ADAM32: variants seen among roughly 807,000 people sequenced by gnomAD.
ADAM32 encodes the protein disintegrin and metalloproteinase domain-containing protein 32.
Under a neutral mutation model 114.9 loss-of-function variants are expected in ADAM32, and 89 were observed. That is an observed-to-expected ratio of 0.77 (90% CI 0.65 to 0.92). ADAM32 has a LOEUF of 0.92. ADAM32 is among the 40% of genes least tolerant of loss of function. The pLI is 0.00. For synonymous variants in ADAM32, 285 were observed against 307.5 expected (o/e 0.93, Z 0.77); for missense variants, 870 against 932.8 (o/e 0.93, Z 0.88).
intron 11 of ADAM32, among the ~76,000 whole-genome samples, chr8:39,208,330 T>C (rs1807983753): frequency 6.6e-6 from 1 of 152,178 alleles, no homozygotes; most frequent in Non-Finnish European, 1.5e-5. Flanking sequence ...TCCCCAATTT[T>C]GACTTTTTGA....
chr8:39,244,939 G>A (rs2129450010), intron 16 of ADAM32, among the ~76,000 whole-genome samples: 1 of 152,294 alleles, frequency 6.6e-6, no homozygotes, highest in East Asian at 1.9e-4. Context: ...TCTAGATATT[G>A]TCTTAGGTAA....
chr8:39,273,916 G>T (rs1007353315), intron 20 of ADAM32, among the ~76,000 whole-genome samples: 6 of 152,018 alleles, frequency 3.9e-5, no homozygotes, highest in Non-Finnish European at 7.4e-5. Flanking sequence ...ACAAAATACT[G>T]TCTTTTTTTA....
intron 20 of ADAM32, among the ~76,000 whole-genome samples, chr8:39,272,439 T>C (rs1169576335): frequency 1.3e-5 from 2 of 152,184 alleles, no homozygotes; most frequent in African/African-American, 2.4e-5. Flanking sequence ...TAAAAAAACC[T>C]AGATTGTATA....
At position 39,222,866 on chromosome 8, in the gene ADAM32, A is replaced by G. The variant is rs538900330; in HGVS notation, c.1327-174A>G. Among the ~76,000 whole-genome samples the G allele has an allele frequency of 7.2e-5, 11 of 152,270 alleles. No individual in the cohort carries two copies. In the South Asian group the frequency reaches 1.5e-3, roughly 20 times the overall value. On this transcript the variant is annotated intron_variant, in intron 13 of 24. Transcript: ENST00000379907. The stretch of plus-strand genomic sequence containing the variant: ...TATGTCTTATCTCCTATTTTAGTCA[A>G]TAACATTCCATTTATATTTTTATAT...
chr8:39,201,588 CT>C (rs553521268), intron 11 of ADAM32, among the ~76,000 whole-genome samples: 63 of 152,328 alleles, frequency 4.1e-4, no homozygotes, highest in African/African-American at 1.4e-3. Flanking sequence ...GACAATTTGA[CT>C]TCCTCTTTTC....
chr8:39,207,194 G>A (rs1299523667), intron 11 of ADAM32, among the ~76,000 whole-genome samples: 1 of 151,642 alleles, frequency 6.6e-6, no homozygotes, highest in South Asian at 2.1e-4. Context: ...AGTTTTTTTT[G>A]TCACTTCTCC....
At chr8:39,196,316 T>C (rs1467780777) in intron 11 of ADAM32, among the ~76,000 whole-genome samples, 1 of 152,138 alleles carries the variant, frequency 6.6e-6, no homozygotes, top group Non-Finnish European at 1.5e-5. Flanking sequence ...CATTTCCAGT[T>C]TGGATGCCTT....
At chr8:39,138,685 A>G (rs1802956039) in intron 3 of ADAM32, among the ~76,000 whole-genome samples, 1 of 152,220 alleles carries the variant, frequency 6.6e-6, no homozygotes, top group Non-Finnish European at 1.5e-5. Flanking sequence ...TTGGGTATAT[A>G]CCAAGTAATG....
intron 6 of ADAM32, among the ~76,000 whole-genome samples, chr8:39,158,991 C>T (rs923191844): frequency 6.6e-6 from 1 of 151,924 alleles, no homozygotes; most frequent in Non-Finnish European, 1.5e-5. Flanking sequence ...AATTAATTTA[C>T]ATTATTTGTC....
chr8:39,279,098 A>G (rs1321691514), intron 22 of ADAM32, among the ~76,000 whole-genome samples: 1 of 152,108 alleles, frequency 6.6e-6, no homozygotes, highest in African/African-American at 2.4e-5. Flanking sequence ...TTCTGATAGA[A>G]TTTGTTTTTA....
chr8:39,232,084 T>C lies in ADAM32; in HGVS notation c.1583T>C (p.Phe528Ser), dbSNP rs1424928708. The C allele has an allele frequency of 6.2e-7, 1 of 1,612,682 alleles. No individual in the cohort carries two copies. Among genetic ancestry groups the C allele is most frequent in the South Asian group, 1.1e-5 (1 of 90,974 alleles). Residue 528 changes from phenylalanine to serine, a missense_variant, in exon 15 of 25, where the codon TTT becomes TCT. Coordinates refer to ENST00000379907, the MANE Select transcript of ADAM32 (RefSeq NM_145004.7). ...YEEIQSQSDR[F>S]GNCGRDRNNK... is the part of the protein sequence containing the mutation. ...GAAATACAATCTCAATCAGACAGAT[T>C]TGGGAACTGTGGTAGGGATAGAAAT...
intron 2 of ADAM32, among the ~76,000 whole-genome samples, chr8:39,120,489 C>T (rs1382722839): frequency 1.3e-5 from 2 of 152,088 alleles, no homozygotes; most frequent in Non-Finnish European, 2.9e-5. Flanking sequence ...GGGCCGGGCA[C>T]GGTGGCTCAC....
intron 11 of ADAM32, among the ~76,000 whole-genome samples, chr8:39,195,672 A>AT (rs148911875): frequency 0.24 from 35,902 of 152,066 alleles, 4,791 homozygotes; most frequent in Non-Finnish European, 0.29. Flanking sequence ...CAGCACACGT[A>AT]TATGTTCTTG....
chr8:39,244,222 C>T (rs1398444502), intron 16 of ADAM32, among the ~76,000 whole-genome samples: 2 of 152,018 alleles, frequency 1.3e-5, no homozygotes, highest in Non-Finnish European at 2.9e-5. Context: ...AATATAATTC[C>T]CATCAAAATA....
intron 10 of ADAM32, among the ~76,000 whole-genome samples, chr8:39,181,215 G>A (rs2129446910): frequency 6.6e-6 from 1 of 152,274 alleles, no homozygotes; most frequent in East Asian, 1.9e-4. Context: ...GGTCCACACT[G>A]CTTTTATGAG....
In ADAM32 at chr8:39,233,888, T is replaced by A. The variant is rs1452700463; in HGVS notation, c.1635-11T>A. 6.9e-7 allele frequency: 1 copy of A among 1,441,996 alleles called. No homozygotes were observed. The highest frequency in any genetic ancestry group is 2.6e-5 in the East Asian group (1 of 39,144). The allele number at this position is 1,441,996 out of a possible 1,614,324, so 89.3% of individuals were successfully genotyped here. On this transcript the variant is annotated splice_polypyrimidine_tract_variant and intron_variant, in intron 15 of 24. Transcript: ENST00000379907. ...ATGTATAATAATCATATATATTTTT[T>A]ATGTTTTCAGGAATCTTATATGTGG...
intron 14 of ADAM32, among the ~76,000 whole-genome samples, chr8:39,228,976 C>T (rs995796901): frequency 6.6e-6 from 1 of 152,198 alleles, no homozygotes; most frequent in Non-Finnish European, 1.5e-5. Context: ...AGATTATCAG[C>T]AGATTTCTCA....
At chr8:39,198,552 G>A (rs1807168458) in intron 11 of ADAM32, among the ~76,000 whole-genome samples, 1 of 151,912 alleles carries the variant, frequency 6.6e-6, no homozygotes, top group South Asian at 2.1e-4. Context: ...TAACTTTTGT[G>A]TTGTTAGTGG....
chr8:39,118,055 TACTA>T (rs1840449207), intron 1 of ADAM32, 27 bp from the exon 2 acceptor site: 12 of 1,307,390 alleles, frequency 9.2e-6, no homozygotes, highest in Admixed American at 6.2e-5. Context: ...AAGGCAAGGT[TACTA>T]ACTTTTTTTT....
Sources: allele counts gnomAD v4.1 joint callset (sites outside exome capture counted in the v4.1 genomes callset), GRCh38; gene constraint gnomAD v4.1.1; transcripts MANE v1.5; gene names NCBI Gene and HGNC (gene_info 2026-07-23, HGNC 2026-07-21).